SPTBN1: variants seen among roughly 807,000 people sequenced by gnomAD.
SPTBN1 encodes spectrin beta chain, non-erythrocytic 1.
SPTBN1 carries 32 observed loss-of-function variants against 266.4 expected under a neutral mutation model. That is an observed-to-expected ratio of 0.12 (90% CI 0.09 to 0.16). The LOEUF is 0.16. Ranked by LOEUF, SPTBN1 falls within the 10% of genes least tolerant of loss-of-function variation. The probability of loss-of-function intolerance (pLI) is 1.00; values close to 1 mark genes in which losing one functional copy is unlikely to be tolerated. For synonymous variants in SPTBN1, 1,336 were observed against 1,162.2 expected (o/e 1.15, Z -3.04); for missense variants, 2,296 against 3,067.1 (o/e 0.75, Z 5.94).
rs1679927960 is a variant in SPTBN1, at chr2:54,646,386, A to G, written c.4777A>G (p.Arg1593Gly). 7.4e-6 allele frequency: 12 copies of G among 1,612,432 alleles called. No homozygotes were observed. Among genetic ancestry groups the G allele is most frequent in the Non-Finnish European group, 1.0e-5 (12 of 1,179,372 alleles). ...KRHRRLEEAH[R>G]AQQYYFDAAE... ...CCACAGGCGGCTGGAGGAGGCGCACAGGGCCCAGCAGTACTACTTTGACGC... is the reference window on the plus strand; with the variant it reads ...CCACAGGCGGCTGGAGGAGGCGCACGGGGCCCAGCAGTACTACTTTGACGC... The change falls in exon 23 of 36, where the codon AGG becomes GGG. Residue 1593 changes from arginine (R) to glycine (G), a missense_variant. By Grantham distance (125) the Arg-to-Gly change is moderately radical (BLOSUM62 -2). This residue lies in a region of SPTBN1 where 644 missense variants were observed against 745.3 expected (regional missense o/e 0.86). Coordinates refer to ENST00000356805, the MANE Select transcript of SPTBN1 (RefSeq NM_003128.3). This position sits in a 1 kb window ranked among gnomAD's most constrained non-coding sequence, Gnocchi z 4.4.
intron 2 of SPTBN1, among the ~76,000 whole-genome samples, chr2:54,594,470 A>G (rs1394373134): frequency 6.6e-6 from 1 of 152,238 alleles, no homozygotes; most frequent in Non-Finnish European, 1.5e-5. Context: ...ATAGGCAAAT[A>G]CTATATACCA....
chr2:54,667,866 G>A (rs372540081), intron 35 of SPTBN1, among the ~76,000 whole-genome samples: 1 of 152,174 alleles, frequency 6.6e-6, no homozygotes, highest in East Asian at 1.9e-4. Context: ...CCTTAAAGTC[G>A]ATGGAATCTT....
Position 54,618,097 on chromosome 2 carries a change from G to T in SPTBN1, c.667G>T (p.Asp223Tyr). 1 of 1,614,040 alleles carries T rather than the reference G, an allele frequency of 6.2e-7. No individual in the cohort carries two copies. Among genetic ancestry groups the T allele is most frequent in the Non-Finnish European group, 8.5e-7 (1 of 1,179,988 alleles). ...GCACAGGCCTGACCTGATAGATTTT[G>T]ACAAACTAAAGAAATCTAACGCACA... ...HKHRPDLIDF[D>Y]KLKKSNAHYN... The change falls in exon 7 of 36, where the codon GAC (aspartate) becomes TAC (tyrosine). Residue 223 changes from aspartate to tyrosine, a missense_variant. Physicochemically the swap from Asp to Tyr is radical, Grantham distance 160. This residue lies in a region of SPTBN1 where 178 missense variants were observed against 375.7 expected (regional missense o/e 0.47). Transcript: ENST00000356805.
intron 1 of SPTBN1, among the ~76,000 whole-genome samples, chr2:54,471,799 G>GTTTTTTTT (rs1693932488): frequency 3.2e-5 from 1 of 31,498 alleles, no homozygotes; most frequent in Admixed American, 5.1e-4. Flanking sequence ...CTTTTTTATC[G>GTTTTTTTT]ATTTTTTTTT....
intron 6 of SPTBN1, 121 bp downstream of exon 6, chr2:54,617,809 G>T: frequency 1.1e-6 from 1 of 943,870 alleles, no homozygotes; most frequent in South Asian, 1.6e-5. Context: ...GGAAATTTCT[G>T]CATTCCATGT....
rs1680096938 is a variant in SPTBN1, at chr2:54,649,047, G to A, written c.5059G>A (p.Ala1687Thr). Residue 1687 changes from alanine (A) to threonine (T), a missense_variant, in exon 25 of 36, where the codon GCT becomes ACT. By Grantham distance (58) the Ala-to-Thr change is moderately conservative. Coordinates refer to ENST00000356805, the MANE Select transcript of SPTBN1 (RefSeq NM_003128.3). This position sits in a 1 kb window ranked among gnomAD's most constrained non-coding sequence, Gnocchi z 6.7. ...DKLYAGLKDLAEERRGKLDER... is the reference protein window; with the variant it reads ...DKLYAGLKDLTEERRGKLDER... ...ACTGTACGCTGGTCTGAAAGACCTT[G>A]CTGAAGAGAGAAGAGGCAAGCTGGA... 1 of 1,614,228 alleles carries A rather than the reference G, an allele frequency of 6.2e-7. No homozygotes were observed.
intron 2 of SPTBN1, among the ~76,000 whole-genome samples, chr2:54,586,994 T>G (rs957178401): frequency 6.6e-6 from 1 of 152,210 alleles, no homozygotes; most frequent in Non-Finnish European, 1.5e-5. Flanking sequence ...TCCGGAAACC[T>G]GGAGTAGATT....
chr2:54,656,111 A>T, intron 29 of SPTBN1, 113 bp downstream of exon 29: 1 of 897,958 alleles, frequency 1.1e-6, no homozygotes. Flanking sequence ...CGAGTTGTAG[A>T]TGCCTTTTTA....
rs71408777 is a variant in SPTBN1, at chr2:54,594,833, C to CTTTTTTTTTTTTTTTTTTTTTT, written c.149-4241_149-4240insTTTTTTTTTTTTTTTTTTTTTT. Among the ~76,000 whole-genome samples, 28 of 104,672 alleles carry CTTTTTTTTTTTTTTTTTTTTTT rather than the reference C, an allele frequency of 2.7e-4. 6 individuals carry two copies. The highest frequency in any genetic ancestry group is 1.4e-3 in the African/African-American group (28 of 19,768). 68.7% of individuals were successfully genotyped at this position (104,672 alleles called of 152,430 possible). ...GATTCCATGACCCTCTGGTAAGTTT[C>CTTTTTTTTTTTTTTTTTTTTTT]TTTTTTTTTTTTTTTTTTGAGACAG... On this transcript the variant is annotated intron_variant, in intron 2 of 35. Transcript: ENST00000356805.
In SPTBN1 at chr2:54,655,178, G is replaced by T. The variant is rs775200482; in HGVS notation, c.5931G>T (p.Leu1977=). The T allele has an allele frequency of 6.2e-7, 1 of 1,614,146 alleles. No homozygotes were observed. The highest frequency in any genetic ancestry group is 1.7e-5 in the Admixed American group (1 of 60,008). Residue 1977 remains leucine, a synonymous_variant, in exon 28 of 36, where the codon CTG becomes CTT. Transcript: ENST00000356805. ...CCTGCATTGAACTTGGGAAATCCCT[G>T]TTGGCGAGAAAACACTATGCATCTG... is the stretch of plus-strand genomic sequence containing the variant. ...FTTCIELGKS[L]LARKHYASEE... is the part of the protein sequence containing the mutation.
chr2:54,641,268 T>C lies in SPTBN1; in HGVS notation c.3859-1715T>C, dbSNP rs562664369. Reference sequence around the variant, plus strand: ...GTGTTCAGCAAAGAGCAGATTTGTTTATAAGCCTCTGATTTTTATGTAGCG... The same window carrying C: ...GTGTTCAGCAAAGAGCAGATTTGTTCATAAGCCTCTGATTTTTATGTAGCG... On this transcript the variant is annotated intron_variant, in intron 18 of 35. Transcript: ENST00000356805. Among the ~76,000 whole-genome samples the C allele has an allele frequency of 3.9e-5, 6 of 152,048 alleles. No individual in the cohort carries two copies. The South Asian group carries it at 1.2e-3, about 32-fold the overall frequency.
At chr2:54,571,960 G>T (rs1674113889) in intron 2 of SPTBN1, among the ~76,000 whole-genome samples, 1 of 152,108 alleles carries the variant, frequency 6.6e-6, no homozygotes, top group South Asian at 2.1e-4. Context: ...GGCTTAGGCT[G>T]GGCCTATCTA....
chr2:54,639,151 G>C (rs1241890436), intron 18 of SPTBN1, among the ~76,000 whole-genome samples: 2 of 152,208 alleles, frequency 1.3e-5, no homozygotes, highest in Non-Finnish European at 2.9e-5. Flanking sequence ...ATTTGAGTAG[G>C]ATACTCACTT....
intron 7 of SPTBN1, among the ~76,000 whole-genome samples, chr2:54,618,979 A>G (rs1677819233): frequency 6.6e-6 from 1 of 152,224 alleles, no homozygotes; most frequent in South Asian, 2.1e-4. Context: ...TCATTTCAAC[A>G]TGAGCTCTCA....
chr2:54,555,416 T>C (rs1282783028), intron 2 of SPTBN1, among the ~76,000 whole-genome samples: 1 of 152,210 alleles, frequency 6.6e-6, no homozygotes, highest in African/African-American at 2.4e-5. Context: ...CTGAGAGTCT[T>C]CTTTGTCCCT....
intron 32 of SPTBN1, chr2:54,660,396 A>C: frequency 8.9e-7 from 1 of 1,122,786 alleles, no homozygotes; most frequent in Admixed American, 4.5e-5. Flanking sequence ...AGAAAACTAG[A>C]ATCTAACAGG....
At chr2:54,654,203 G>C (rs534663982) in intron 27 of SPTBN1, among the ~76,000 whole-genome samples, 2 of 152,142 alleles carry the variant, frequency 1.3e-5, no homozygotes, top group African/African-American at 2.4e-5. Flanking sequence ...TAACTGCCCC[G>C]TCTTTGCAAT....
At chr2:54,527,959 G>T (rs1670924392) in intron 2 of SPTBN1, 2 of 152,314 alleles carry the variant, frequency 1.3e-5, no homozygotes. Context: ...GAGAATGGAT[G>T]TTGGGGGTAC....
intron 2 of SPTBN1, among the ~76,000 whole-genome samples, chr2:54,542,699 T>G (rs1194379109): frequency 6.6e-6 from 1 of 152,118 alleles, no homozygotes; most frequent in Non-Finnish European, 1.5e-5. Context: ...AACAAGGCCC[T>G]GAAGCTGAGA....
Sources: gnomAD v4.1 joint callset for allele counts (sites outside exome capture counted in the v4.1 genomes callset) on GRCh38, gnomAD v4.1.1 for gene constraint, gnomAD v4.1.1 regional missense constraint, Gnocchi (gnomAD v3.1) non-coding constraint, MANE v1.5 for transcripts, NCBI Gene and HGNC (gene_info 2026-07-23, HGNC 2026-07-21) for gene names.